CPQ: variants seen among roughly 807,000 people sequenced by gnomAD.
CPQ encodes the protein Ser-Met dipeptidase.
A neutral mutation model predicts 45.7 loss-of-function variants in CPQ; 37 were observed. The observed-to-expected ratio is 0.81, with a 90% CI of 0.62 to 1.07. CPQ has a LOEUF of 1.07. Ranked by LOEUF, CPQ falls within the 50% of genes least tolerant of loss-of-function variation. The pLI is 0.00. For missense variants in CPQ, 537 were observed against 572.9 expected, an observed-to-expected ratio of 0.94 and a Z score of 0.64; for synonymous variants, 186 against 205.8, an observed-to-expected ratio of 0.90 and a Z score of 0.82.
chr8:96,700,715 A>G lies in CPQ; in HGVS notation c.-35+55313A>G, dbSNP rs923422775. On this transcript the variant is annotated intron_variant, in intron 1 of 7. Coordinates refer to ENST00000220763, the MANE Select transcript of CPQ (RefSeq NM_016134.4). Reference sequence around the variant, plus strand: ...CTGCCACATCTGAAATTTCTCTCCCACTGCTCTAATGCGTGGGTGGACTTA... The same window carrying G: ...CTGCCACATCTGAAATTTCTCTCCCGCTGCTCTAATGCGTGGGTGGACTTA... 2.1e-4 allele frequency among the ~76,000 whole-genome samples: 32 copies of G among 152,000 alleles called. 1 individual carries two copies. The highest frequency in any genetic ancestry group is 7.5e-4 in the African/African-American group (31 of 41,376).
At chr8:97,034,246 G>A (rs999114425) in intron 6 of CPQ, among the ~76,000 whole-genome samples, 1 of 152,150 alleles carries the variant, frequency 6.6e-6, no homozygotes, top group Admixed American at 6.5e-5. Context: ...ACTCAAACAG[G>A]AAGTGTTGAA....
intron 6 of CPQ, chr8:97,056,689 C>G (rs1810460518): frequency 6.6e-6 from 1 of 152,182 alleles, no homozygotes; most frequent in Non-Finnish European, 1.5e-5. Context: ...ATTGCCTAAG[C>G]TCTGATCCTC....
At chr8:96,896,572 A>G (rs978805835) in intron 4 of CPQ, among the ~76,000 whole-genome samples, 9 of 152,088 alleles carry the variant, frequency 5.9e-5, no homozygotes, top group Admixed American at 3.9e-4. Context: ...CTTAATAAGT[A>G]TTTACTGAGC....
chr8:96,908,120 GTGTGTGTGTGTGTGTGTGTGTGTC>G (rs1356411617), intron 4 of CPQ, among the ~76,000 whole-genome samples: 1 of 145,594 alleles, frequency 6.9e-6, no homozygotes, highest in African/African-American at 2.8e-5. Context: ...GTGTGTGTGT[GTGTGTGTGTGTGTGTGTGTGTGTC>G]TGTGTGTGTG....
chr8:96,971,642 A>ATAAT (rs1157648724), intron 5 of CPQ, among the ~76,000 whole-genome samples: 1 of 152,192 alleles, frequency 6.6e-6, no homozygotes, highest in African/African-American at 2.4e-5. Context: ...TGTTTAGTGA[A>ATAAT]TAATACATCT....
intron 2 of CPQ, among the ~76,000 whole-genome samples, chr8:96,823,595 A>G (rs1174983847): frequency 2.6e-5 from 4 of 151,856 alleles, no homozygotes; most frequent in East Asian, 3.9e-4. Flanking sequence ...TTCTTTCTTT[A>G]CCTTCTTCCT....
chr8:96,688,496 G>A (rs1809264320), intron 1 of CPQ, among the ~76,000 whole-genome samples: 1 of 152,008 alleles, frequency 6.6e-6, no homozygotes, highest in Admixed American at 6.6e-5. Context: ...TCACAGTATG[G>A]ACTATTTCTG....
chr8:96,808,334 T>C (rs1348369691), intron 2 of CPQ, among the ~76,000 whole-genome samples: 2 of 152,136 alleles, frequency 1.3e-5, no homozygotes, highest in Non-Finnish European at 1.5e-5. Context: ...GCCAGGTGTC[T>C]AGGCTGGCTC....
At chr8:96,693,020 C>T (rs1477764032) in intron 1 of CPQ, among the ~76,000 whole-genome samples, 2 of 151,962 alleles carry the variant, frequency 1.3e-5, no homozygotes, top group African/African-American at 4.8e-5. Flanking sequence ...AGCAGAAATT[C>T]TGGAGTCCAA....
At chr8:96,716,935 G>C (rs748772097) in intron 1 of CPQ, among the ~76,000 whole-genome samples, 1 of 144,318 alleles carries the variant, frequency 6.9e-6, no homozygotes, top group Admixed American at 6.9e-5. Context: ...ACACACACAC[G>C]CAAGAATAAT....
At chr8:97,047,936 T>C (rs1039775423) in intron 6 of CPQ, among the ~76,000 whole-genome samples, 2 of 152,164 alleles carry the variant, frequency 1.3e-5, no homozygotes, top group Non-Finnish European at 2.9e-5. Flanking sequence ...ATGGAAATAA[T>C]GCATGTATAT....
intron 6 of CPQ, among the ~76,000 whole-genome samples, chr8:97,058,202 T>C (rs1044279925): frequency 5.3e-5 from 8 of 151,976 alleles, no homozygotes; most frequent in Non-Finnish European, 1.0e-4. Flanking sequence ...CACCCTAGGA[T>C]TGAGTAAATA....
intron 3 of CPQ, among the ~76,000 whole-genome samples, chr8:96,842,724 T>C (rs1457344697): frequency 6.6e-6 from 1 of 152,164 alleles, no homozygotes; most frequent in Non-Finnish European, 1.5e-5. Flanking sequence ...TGCTTCCTCA[T>C]AATGGATAGA....
chr8:97,124,156 G>A (rs1169971449), intron 7 of CPQ, among the ~76,000 whole-genome samples: 1 of 148,176 alleles, frequency 6.7e-6, no homozygotes, highest in Non-Finnish European at 1.5e-5. Flanking sequence ...AGCTGGGGAG[G>A]TGGAGGTTGC....
At chr8:97,066,292 A>G in intron 7 of CPQ, 82 bp downstream of exon 7, 1 of 1,272,546 alleles carries the variant, frequency 7.9e-7, no homozygotes, top group South Asian at 1.4e-5. Context: ...GAGCACAATG[A>G]ATACTAGTAG....
At chr8:96,885,349 C>A (rs1477099526) in intron 4 of CPQ, among the ~76,000 whole-genome samples, 2 of 152,182 alleles carry the variant, frequency 1.3e-5, no homozygotes, top group African/African-American at 4.8e-5. Context: ...TCATATTAGG[C>A]CCCACCTTCC....
At chr8:97,046,842 A>G (rs1195839199) in intron 6 of CPQ, among the ~76,000 whole-genome samples, 1 of 152,254 alleles carries the variant, frequency 6.6e-6, no homozygotes, top group Non-Finnish European at 1.5e-5. Flanking sequence ...ATGAGAGGCA[A>G]TCAAACTGTT....
intron 1 of CPQ, among the ~76,000 whole-genome samples, chr8:96,681,955 TTACCCAATGCTTG>T (rs1420028510): frequency 6.6e-6 from 1 of 152,204 alleles, no homozygotes; most frequent in Non-Finnish European, 1.5e-5. Context: ...ATGACTGTAT[TTACCCAATGCTTG>T]TACCCCCATT....
intron 6 of CPQ, among the ~76,000 whole-genome samples, chr8:97,045,895 G>C (rs1735192923): frequency 1.3e-5 from 2 of 152,314 alleles, no homozygotes; most frequent in Admixed American, 6.5e-5. Context: ...CTCCTCGCTG[G>C]CACATCCACT....
Sources: gnomAD v4.1 joint callset for allele counts (sites outside exome capture counted in the v4.1 genomes callset) on GRCh38, gnomAD v4.1.1 for gene constraint, MANE v1.5 for transcripts, NCBI Gene and HGNC (gene_info 2026-07-23, HGNC 2026-07-21) for gene names.